Variants in EDA observed in about 807,000 individuals in gnomAD.
EDA encodes the protein ectodysplasin A.
Under a neutral mutation model 23.6 loss-of-function variants are expected in EDA, and 2 were observed. The observed-to-expected ratio is 0.08, with a 90% CI of 0.03 to 0.27. The LOEUF (loss-of-function observed/expected upper bound fraction) is 0.27. EDA is among the 10% of genes least tolerant of loss of function. The pLI is 1.00. For missense variants in EDA, 229 were observed against 324.2 expected, an observed-to-expected ratio of 0.71 and a Z score of 2.26; for synonymous variants, 131 against 132.0, an observed-to-expected ratio of 0.99 and a Z score of 0.05.
chrX:69,860,266 A>T (rs1164918801), intron 1 of EDA, among the ~76,000 whole-genome samples: 1 of 111,397 alleles, frequency 9.0e-6, no homozygotes, highest in African/African-American at 3.3e-5. Context: ...TGATCCTGTC[A>T]TCATGATGTT....
rs56353023 is a variant in EDA at position 69,834,532 on chromosome X, CTTTT to C, written c.397-122481_397-122478del. On this transcript the variant is annotated intron_variant, in intron 1 of 7. Transcript: ENST00000374552. Reference sequence around the variant, plus strand: ...TTAGAGACTGGGATTGCAACCCCTGCTTTTTTTTTTTTTTTTTGCTTTCCATTTG... The same window carrying C: ...TTAGAGACTGGGATTGCAACCCCTGCTTTTTTTTTTTTTGCTTTCCATTTG... 2.7e-3 allele frequency among the ~76,000 whole-genome samples: 230 copies of C among 86,093 alleles called. 1 individual carries two copies. Among genetic ancestry groups the C allele is most frequent in the Admixed American group, 2.1e-3 (16 of 7,707 alleles). The allele number at this position is 86,093 out of a possible 115,157, so 74.8% of individuals were successfully genotyped here. A position where few individuals can be genotyped will look rare whatever the true frequency, so the allele number is the denominator to read the frequency against.
intron 1 of EDA, among the ~76,000 whole-genome samples, chrX:69,780,044 T>C (rs988983536): frequency 0.13 from 4 of 30 alleles, no homozygotes; most frequent in Admixed American, 0.25. Flanking sequence ...TTGTGGCTAC[T>C]TATATCATAA....
intron 1 of EDA, among the ~76,000 whole-genome samples, chrX:69,893,800 G>A (rs1322147580): frequency 1.8e-5 from 2 of 112,124 alleles, no homozygotes; most frequent in African/African-American, 6.5e-5. Flanking sequence ...TTTTGTTGTT[G>A]TTCAAATTCT....
intron 1 of EDA, among the ~76,000 whole-genome samples, chrX:69,861,462 A>G (rs1013901374): frequency 4.5e-5 from 5 of 111,546 alleles, no homozygotes; most frequent in Non-Finnish European, 9.4e-5. Context: ...TCCTCAATCC[A>G]TAACAGTGGG....
chrX:69,686,827 G>T (rs1172824937), intron 1 of EDA, among the ~76,000 whole-genome samples: 2 of 111,651 alleles, frequency 1.8e-5, no homozygotes, highest in Non-Finnish European at 3.8e-5. Flanking sequence ...ATTCATCAAT[G>T]GATGGACATT....
At chrX:69,979,580 A>C (rs1272485179) in intron 2 of EDA, among the ~76,000 whole-genome samples, 1 of 111,721 alleles carries the variant, frequency 9.0e-6, no homozygotes, top group Admixed American at 9.5e-5. Flanking sequence ...TTTTGATTAT[A>C]TCATAGTGGG....
chrX:69,907,437 C>T (rs2018196376), intron 1 of EDA, among the ~76,000 whole-genome samples: 3 of 111,475 alleles, frequency 2.7e-5, no homozygotes, highest in Non-Finnish European at 5.7e-5. Flanking sequence ...GGGCCATTCT[C>T]CTCTCCCTAG....
chrX:69,766,295 T>C (rs1319975969), intron 1 of EDA, among the ~76,000 whole-genome samples: 2 of 111,428 alleles, frequency 1.8e-5, no homozygotes, highest in Non-Finnish European at 3.8e-5. Context: ...TTTTTTTAAC[T>C]TCTATTTTAG....
chrX:69,655,759 A>AATATATATATAT (rs1435834220), intron 1 of EDA, among the ~76,000 whole-genome samples: 1 of 39,352 alleles, frequency 2.5e-5, no homozygotes, highest in Non-Finnish European at 3.7e-5. Flanking sequence ...ACATCATTAG[A>AATATATATATAT]ATCTATATAT....
intron 6 of EDA, among the ~76,000 whole-genome samples, chrX:70,032,175 C>G (rs144620296): frequency 0.016 from 1,720 of 110,357 alleles, 34 homozygotes; most frequent in African/African-American, 0.054. Flanking sequence ...AGGAGAATCA[C>G]TTGAACCCGG....
intron 1 of EDA, among the ~76,000 whole-genome samples, chrX:69,717,828 T>G (rs1218861507): frequency 8.9e-6 from 1 of 112,000 alleles, no homozygotes; most frequent in Non-Finnish European, 1.9e-5. Flanking sequence ...CAATCTCATG[T>G]CAAATTGTAA....
chrX:69,817,469 A>G (rs1213166978), intron 1 of EDA, among the ~76,000 whole-genome samples: 1 of 112,183 alleles, frequency 8.9e-6, no homozygotes, highest in Non-Finnish European at 1.9e-5. Flanking sequence ...TGTCTTCAGC[A>G]GACCCATCTC....
intron 1 of EDA, among the ~76,000 whole-genome samples, chrX:69,930,391 C>G (rs4844201): frequency 0.077 from 8,481 of 109,861 alleles, 1,002 homozygotes; most frequent in East Asian, 0.71. Context: ...GTAATTCATT[C>G]TATTAAGGCT....
At chrX:69,895,456 T>G (rs1313273903) in intron 1 of EDA, among the ~76,000 whole-genome samples, 1 of 107,968 alleles carries the variant, frequency 9.3e-6, no homozygotes, top group Non-Finnish European at 1.9e-5. Flanking sequence ...ACCCTTATCA[T>G]CTTTCTGTCC....
chrX:69,782,462 A>C (rs746296504), intron 1 of EDA, among the ~76,000 whole-genome samples: 1 of 107,697 alleles, frequency 9.3e-6, no homozygotes, highest in South Asian at 4.2e-4. Context: ...CCCAGAATTT[A>C]TTTTGGTCTT....
chrX:69,725,157 G>T (rs1441521464), intron 1 of EDA, among the ~76,000 whole-genome samples: 3 of 111,376 alleles, frequency 2.7e-5, no homozygotes, highest in Non-Finnish European at 5.7e-5. Context: ...TCTACCTCTG[G>T]GAATGCGATT....
rs186111497 is a variant in EDA, at chrX:69,912,893, G to A, written c.397-44134G>A. ...AGCAATTCTCCCACCTCAGCCTCCT[G>A]AGTAGCTGGGACTACAGTCACACAC... On this transcript the variant is annotated intron_variant, in intron 1 of 7. Coordinates refer to ENST00000374552, the MANE Select transcript of EDA (RefSeq NM_001399.5). Among the ~76,000 whole-genome samples the A allele has an allele frequency of 1.2e-3, 125 of 106,898 alleles. 1 individual carries two copies. The highest frequency in any genetic ancestry group is 2.8e-3 in the Admixed American group (27 of 9,751). The allele number at this position is 106,898 out of a possible 115,157, so 92.8% of individuals were successfully genotyped here.
chrX:69,726,642 A>G (rs2012815049), intron 1 of EDA, among the ~76,000 whole-genome samples: 2 of 112,516 alleles, frequency 1.8e-5, no homozygotes, highest in African/African-American at 3.2e-5. Context: ...GGCTTAAACA[A>G]TAGAACTTTA....
intron 1 of EDA, among the ~76,000 whole-genome samples, chrX:69,719,164 A>G (rs2012468943): frequency 9.1e-6 from 1 of 110,063 alleles, no homozygotes; most frequent in African/African-American, 3.3e-5. Flanking sequence ...CCTGACATTG[A>G]TAATTTGCAT....
Sources: allele counts gnomAD v4.1 joint callset (sites outside exome capture counted in the v4.1 genomes callset), GRCh38; gene constraint gnomAD v4.1.1; transcripts MANE v1.5; gene names NCBI Gene and HGNC (gene_info 2026-07-23, HGNC 2026-07-21).